The following PDE1C variants were observed in gnomAD, a reference collection of about 807,000 sequenced individuals.
The protein encoded by PDE1C is dual specificity calcium/calmodulin-dependent 3',5'-cyclic nucleotide phosphodiesterase 1C.
Under a neutral mutation model 93.1 loss-of-function variants are expected in PDE1C, and 62 were observed. The observed-to-expected ratio is 0.67, with a 90% CI of 0.54 to 0.82. PDE1C has a LOEUF of 0.82. Ranked by LOEUF, PDE1C falls within the 40% of genes least tolerant of loss-of-function variation. The pLI is 0.00. For synonymous variants in PDE1C, 325 were observed against 310.1 expected, an observed-to-expected ratio of 1.05 and a Z score of -0.50; for missense variants, 742 against 884.6, an observed-to-expected ratio of 0.84 and a Z score of 2.04.
At chr7:32,128,441 A>G (rs184228861) in intron 3 of PDE1C, among the ~76,000 whole-genome samples, 23 of 152,124 alleles carry the variant, frequency 1.5e-4, no homozygotes, top group African/African-American at 5.1e-4. Flanking sequence ...TATAACATTT[A>G]AATAGGATAG....
chr7:32,140,252 G>A (rs1194199126), intron 3 of PDE1C, among the ~76,000 whole-genome samples: 1 of 152,172 alleles, frequency 6.6e-6, no homozygotes, highest in Admixed American at 6.5e-5. Flanking sequence ...GCAAGATGAA[G>A]TTACAGTGGT....
intron 1 of PDE1C, among the ~76,000 whole-genome samples, chr7:32,064,184 C>G (rs1337335495): frequency 6.6e-6 from 1 of 152,088 alleles, no homozygotes; most frequent in East Asian, 1.9e-4. Context: ...TAATAAGAAC[C>G]AAGATTCTCA....
At chr7:31,986,859 C>G (rs1393225874) in intron 2 of PDE1C, among the ~76,000 whole-genome samples, 6 of 151,972 alleles carry the variant, frequency 3.9e-5, no homozygotes, top group South Asian at 2.1e-4. Flanking sequence ...CATTAGGAAA[C>G]TAACCAGGAG....
intron 2 of PDE1C, among the ~76,000 whole-genome samples, chr7:31,914,926 T>G (rs1444509639): frequency 1.3e-5 from 2 of 152,198 alleles, no homozygotes; most frequent in Non-Finnish European, 2.9e-5. Context: ...GCGACAATGA[T>G]GTTTTCTCAT....
chr7:31,989,902 G>C (rs1445030660), intron 2 of PDE1C, among the ~76,000 whole-genome samples: 1 of 152,178 alleles, frequency 6.6e-6, no homozygotes, highest in African/African-American at 2.4e-5. Context: ...GAATAACTTA[G>C]CCATTCACCA....
intron 2 of PDE1C, among the ~76,000 whole-genome samples, chr7:31,897,492 C>A (rs1433672821): frequency 6.6e-6 from 1 of 152,128 alleles, no homozygotes; most frequent in East Asian, 1.9e-4. Flanking sequence ...AATTTTGTGG[C>A]ATTATTACAT....
At chr7:32,271,278 T>C (rs916717611) in intron 1 of PDE1C, among the ~76,000 whole-genome samples, 3 of 152,240 alleles carry the variant, frequency 2.0e-5, no homozygotes, top group Non-Finnish European at 1.5e-5. Context: ...ATGGAGCCAG[T>C]GGAAAGAGTT....
intron 1 of PDE1C, among the ~76,000 whole-genome samples, chr7:32,262,253 A>C (rs1810262927): frequency 3.3e-5 from 5 of 152,086 alleles, no homozygotes. Context: ...ACCCAATTCT[A>C]AGCAAATAAC....
intron 1 of PDE1C, among the ~76,000 whole-genome samples, chr7:32,255,794 G>T (rs1340713732): frequency 6.6e-6 from 1 of 152,188 alleles, no homozygotes; most frequent in East Asian, 1.9e-4. Flanking sequence ...CTCATCCTGT[G>T]GTGTACCCAG....
intron 2 of PDE1C, among the ~76,000 whole-genome samples, chr7:31,925,729 A>G (rs1354683480): frequency 6.6e-6 from 1 of 152,172 alleles, no homozygotes; most frequent in African/African-American, 2.4e-5. Context: ...CATGAGCAGT[A>G]TTTTCTAGAG....
At chr7:32,277,123 C>T (rs925244589) in intron 1 of PDE1C, among the ~76,000 whole-genome samples, 1 of 152,166 alleles carries the variant, frequency 6.6e-6, no homozygotes, top group Non-Finnish European at 1.5e-5. Context: ...GTTGTGCACA[C>T]CTGCGGTCCT....
chr7:31,849,794 G>A (rs185568130), intron 8 of PDE1C, among the ~76,000 whole-genome samples: 1 of 152,194 alleles, frequency 6.6e-6, no homozygotes, highest in Non-Finnish European at 1.5e-5. Context: ...TCTACTGTCA[G>A]ACTCTCTCCA....
the PDE1C span, chr7:31,696,920 T>C: frequency 1.9e-6 from 3 of 1,594,040 alleles, no homozygotes; most frequent in South Asian, 3.4e-5. Flanking sequence ...TATTAGGATA[T>C]ATGTATTTGA....
At chr7:32,154,198 G>A (rs1296913836) in intron 3 of PDE1C, among the ~76,000 whole-genome samples, 1 of 152,166 alleles carries the variant, frequency 6.6e-6, no homozygotes, top group Non-Finnish European at 1.5e-5. Context: ...GGTTGAGGCT[G>A]CAGTGAGCTG....
chr7:32,165,163 A>G (rs1227215723), intron 3 of PDE1C, among the ~76,000 whole-genome samples: 1 of 152,188 alleles, frequency 6.6e-6, no homozygotes, highest in Non-Finnish European at 1.5e-5. Context: ...CACAAAACCC[A>G]TGTTTGATCC....
At chr7:32,128,894 T>G (rs1361291800) in intron 3 of PDE1C, among the ~76,000 whole-genome samples, 1 of 105,478 alleles carries the variant, frequency 9.5e-6, no homozygotes, top group African/African-American at 3.5e-5. Flanking sequence ...CCCTAGAACT[T>G]AAAGTATAAC....
At chr7:31,820,442 C>T (rs1250473138) in intron 14 of PDE1C, 4 of 151,970 alleles carry the variant, frequency 2.6e-5, no homozygotes, top group Non-Finnish European at 5.9e-5. Flanking sequence ...TATGTCCATA[C>T]ATCTTTAGTT....
At chr7:32,206,317 C>A (rs80104928) in intron 2 of PDE1C, among the ~76,000 whole-genome samples, 1 of 152,122 alleles carries the variant, frequency 6.6e-6, no homozygotes, top group Non-Finnish European at 1.5e-5. Context: ...ATGCAGTCTT[C>A]AATCAGCGTT....
intron 3 of PDE1C, among the ~76,000 whole-genome samples, chr7:32,091,869 G>A (rs906000282): frequency 2.6e-5 from 4 of 152,186 alleles, no homozygotes; most frequent in African/African-American, 7.2e-5. Context: ...GCAAGGGCAG[G>A]AAGGGAAAGT....
Sources: gnomAD v4.1 joint callset for allele counts (sites outside exome capture counted in the v4.1 genomes callset) on GRCh38, gnomAD v4.1.1 for gene constraint, MANE v1.5 for transcripts, NCBI Gene and HGNC (gene_info 2026-07-23, HGNC 2026-07-21) for gene names.